Variants in MTA3 observed in about 807,000 individuals in gnomAD.
The protein encoded by MTA3 is metastasis-associated protein MTA3.
MTA3 carries 34 observed loss-of-function variants against 83.5 expected under a neutral mutation model. The ratio of observed to expected loss-of-function variants is 0.41; its 90% CI spans 0.31 to 0.54. The LOEUF (loss-of-function observed/expected upper bound fraction) is 0.54. Among genes scored for constraint, MTA3 ranks in the 20% least tolerant of loss-of-function variants. The pLI, the probability that MTA3 is intolerant of heterozygous loss-of-function variation, is 0.33. For synonymous variants in MTA3, 303 were observed against 252.7 expected, an observed-to-expected ratio of 1.20 and a Z score of -1.89; for missense variants, 761 against 726.4, an observed-to-expected ratio of 1.05 and a Z score of -0.55.
intron 3 of MTA3, among the ~76,000 whole-genome samples, chr2:42,588,803 T>G (rs1451215850): frequency 1.6e-5 from 1 of 62,372 alleles, no homozygotes; most frequent in African/African-American, 9.1e-5. Flanking sequence ...ATGTATGTAT[T>G]ATACATATAT....
intron 3 of MTA3, among the ~76,000 whole-genome samples, chr2:42,599,855 T>A (rs570546408): frequency 1.5e-4 from 23 of 152,268 alleles, no homozygotes; most frequent in African/African-American, 5.1e-4. Flanking sequence ...GACTACTCTG[T>A]TCTCTATACA....
At chr2:42,691,650 C>T (rs1046771111) in intron 9 of MTA3, among the ~76,000 whole-genome samples, 18 of 152,166 alleles carry the variant, frequency 1.2e-4, no homozygotes, top group Non-Finnish European at 1.8e-4. Flanking sequence ...TGCTCACCAA[C>T]ATCTATTTTT....
At chr2:42,595,818 CAAT>C (rs1198167454) in intron 3 of MTA3, among the ~76,000 whole-genome samples, 1 of 152,018 alleles carries the variant, frequency 6.6e-6, no homozygotes. Context: ...AATGATTTAA[CAAT>C]AATAGTAGGA....
chr2:42,653,368 C>T (rs754510317), intron 6 of MTA3, among the ~76,000 whole-genome samples: 1 of 152,096 alleles, frequency 6.6e-6, no homozygotes, highest in Non-Finnish European at 1.5e-5. Flanking sequence ...GTTTTTGGCT[C>T]ATTCCTTTGT....
chr2:42,630,532 C>T (rs565247844), intron 4 of MTA3, among the ~76,000 whole-genome samples: 1 of 152,148 alleles, frequency 6.6e-6, no homozygotes, highest in African/African-American at 2.4e-5. Context: ...AATTATGATG[C>T]TTTTATGTTG....
chr2:42,549,561 A>G (rs1340442055), intron 2 of MTA3, among the ~76,000 whole-genome samples: 1 of 115,704 alleles, frequency 8.6e-6, no homozygotes, highest in African/African-American at 3.7e-5. Context: ...TATATTATAT[A>G]CATATACATA....
At chr2:42,617,717 A>G (rs1166622689) in intron 4 of MTA3, among the ~76,000 whole-genome samples, 1 of 152,008 alleles carries the variant, frequency 6.6e-6, no homozygotes, top group Non-Finnish European at 1.5e-5. Flanking sequence ...CGGACGTTGC[A>G]GTGAGCTGAG....
At chr2:42,553,881 A>G (rs1397804440) in intron 2 of MTA3, among the ~76,000 whole-genome samples, 3 of 55,788 alleles carry the variant, frequency 5.4e-5, no homozygotes, top group African/African-American at 5.1e-4. Context: ...AAAAAAAAAA[A>G]AAAAAAGAAA....
chr2:42,522,754 A>AAAGG (rs1675484532), intron 2 of MTA3, among the ~76,000 whole-genome samples: 1 of 151,798 alleles, frequency 6.6e-6, no homozygotes, highest in South Asian at 2.1e-4. Context: ...GATGGGAAAA[A>AAAGG]AAGGAAGGAA....
intron 2 of MTA3, among the ~76,000 whole-genome samples, chr2:42,495,734 A>G (rs145257890): frequency 8.5e-5 from 13 of 152,336 alleles, no homozygotes; most frequent in Non-Finnish European, 1.0e-4. Flanking sequence ...GGAGGTTTCC[A>G]TAGCAGAAAT....
At chr2:42,517,122 T>TGCATACA (rs1675181994) in intron 2 of MTA3, among the ~76,000 whole-genome samples, 1 of 151,376 alleles carries the variant, frequency 6.6e-6, no homozygotes, top group Non-Finnish European at 1.5e-5. Context: ...AAACCGGGTG[T>TGCATACA]GGTGGTGCAT....
intron 2 of MTA3, among the ~76,000 whole-genome samples, chr2:42,551,699 A>G (rs1181716637): frequency 1.3e-5 from 2 of 151,998 alleles, no homozygotes; most frequent in East Asian, 3.9e-4. Context: ...AGATATTACA[A>G]TGTTAAATAG....
chr2:42,641,948 G>T (rs1382689646), intron 5 of MTA3, among the ~76,000 whole-genome samples: 3 of 151,854 alleles, frequency 2.0e-5, no homozygotes, highest in Non-Finnish European at 2.9e-5. Context: ...CAGGTGATGG[G>T]TACACTAAAA....
chr2:42,609,713 A>T, intron 4 of MTA3, 129 bp downstream of exon 4: 2 of 1,062,398 alleles, frequency 1.9e-6, no homozygotes, highest in Non-Finnish European at 2.6e-6. Context: ...TTCATAATGG[A>T]ATTTTAGGTT....
rs1666263939 is a variant in MTA3 at position 42,708,180 on chromosome 2, C to G, written c.1302+126C>G. The stretch of plus-strand genomic sequence containing the variant: ...AAGCTACCTTTATAGCTAAACGTAG[C>G]ACTACAATATTCAGGGTAGGTGTGG... On this transcript the variant is annotated intron_variant, in intron 13 of 16. Transcript: ENST00000405094. 3.1e-6 allele frequency: 3 copies of G among 957,058 alleles called. No individual in the cohort carries two copies. In the South Asian group the frequency reaches 7.4e-5, roughly 24 times the overall value. 59.3% of individuals were successfully genotyped at this position (957,058 alleles called of 1,614,324 possible).
intron 2 of MTA3, among the ~76,000 whole-genome samples, chr2:42,537,899 T>C (rs1174978413): frequency 6.6e-6 from 1 of 152,188 alleles, no homozygotes; most frequent in Non-Finnish European, 1.5e-5. Flanking sequence ...TCATGATATC[T>C]GTACCTGACT....
chr2:42,677,986 A>G (rs892471747), intron 8 of MTA3, among the ~76,000 whole-genome samples: 18 of 152,224 alleles, frequency 1.2e-4, no homozygotes, highest in Non-Finnish European at 2.2e-4. Context: ...TGGGGTACAT[A>G]CTACATTGTA....
intron 4 of MTA3, among the ~76,000 whole-genome samples, chr2:42,626,330 C>G (rs180775621): frequency 1.3e-5 from 2 of 151,658 alleles, no homozygotes; most frequent in Admixed American, 6.6e-5. Flanking sequence ...CGGAGTCTCA[C>G]TCTGTCACCC....
rs113565608 is a variant in MTA3 at position 42,608,683 on chromosome 2, G to A, written c.191-775G>A. On this transcript the variant is annotated intron_variant, in intron 3 of 16. Transcript: ENST00000405094. ...AGATCACTTGAGCCCAGGAGTTCGA[G>A]ACCAGCCTGGGCAACATGGTGTAAC... Among the ~76,000 whole-genome samples, 1,325 of 152,262 alleles carry A rather than the reference G, an allele frequency of 8.7e-3. 25 individuals carry two copies. The highest frequency in any genetic ancestry group is 0.03 in the African/African-American group (1,258 of 41,552).
Sources: gnomAD v4.1 joint callset for allele counts (sites outside exome capture counted in the v4.1 genomes callset) on GRCh38, gnomAD v4.1.1 for gene constraint, MANE v1.5 for transcripts, NCBI Gene and HGNC (gene_info 2026-07-23, HGNC 2026-07-21) for gene names.